The following PIK3C2A variants were observed in gnomAD, a reference collection of about 807,000 sequenced individuals.
PIK3C2A encodes phosphatidylinositol 4-phosphate 3-kinase C2 domain-containing subunit alpha.
A neutral mutation model predicts 204.5 loss-of-function variants in PIK3C2A; 97 were observed. That is an observed-to-expected ratio of 0.47 (90% CI 0.40 to 0.56). The LOEUF is 0.56. Ranked by LOEUF, PIK3C2A falls within the 20% of genes least tolerant of loss-of-function variation. The pLI is 0.00. For synonymous variants in PIK3C2A, 653 were observed against 664.4 expected, an observed-to-expected ratio of 0.98 and a Z score of 0.26; for missense variants, 1,735 against 1,969.2, an observed-to-expected ratio of 0.88 and a Z score of 2.25.
chr11:17,097,128 T>G lies in PIK3C2A; in HGVS notation c.4255A>C (p.Arg1419=). 2 of 1,610,406 alleles carry G rather than the reference T, an allele frequency of 1.2e-6. No individual in the cohort carries two copies. The highest frequency in any genetic ancestry group is 1.1e-5 in the South Asian group (1 of 91,016). The change falls in exon 27 of 33, where the codon AGA becomes CGA. Residue 1419 remains arginine, a synonymous_variant. Transcript: ENST00000691414. The part of the protein sequence containing the change: ...LSFSPKTYSF[R]QDGRIKEVSV... ...ACTTCCTTGATTCGACCATCTTGTC[T>G]AAAGGAGTATGTTTTAGGTGAAAAT...
chr11:17,146,351 C>G (rs931868716), intron 6 of PIK3C2A, among the ~76,000 whole-genome samples: 1 of 151,976 alleles, frequency 6.6e-6, no homozygotes, highest in Admixed American at 6.6e-5. Context: ...AATTTTCCTC[C>G]CACTCCCCAT....
chr11:17,190,574 CAA>C (rs35193747), intron 1 of PIK3C2A, among the ~76,000 whole-genome samples: 299 of 114,038 alleles, frequency 2.6e-3, no homozygotes, highest in African/African-American at 6.0e-3. Context: ...GACTCTGTCT[CAA>C]AAAAAAAAAA....
chr11:17,147,088 G>A (rs1055938276), intron 6 of PIK3C2A, among the ~76,000 whole-genome samples: 2 of 152,058 alleles, frequency 1.3e-5, no homozygotes, highest in African/African-American at 4.8e-5. Flanking sequence ...ACTGAAAGTA[G>A]TGAACTTTTA....
Position 17,092,051 on chromosome 11 carries a change from A to T in PIK3C2A, c.4587T>A (p.Thr1529=), listed in dbSNP as rs1848326661. Residue 1529 remains threonine, a synonymous_variant, in exon 30 of 33, where the codon ACT becomes ACA. Transcript: ENST00000691414. ...CATCACGAAGTAAAGGGTGGAAGAA[A>T]GTACAAACAAGATCACACTAAGAAT... ...TDVAECDLVC[T]FFHPLLRDEK... is the part of the protein sequence containing the mutation. 6.2e-7 allele frequency: 1 copy of T among 1,609,054 alleles called. No individual in the cohort carries two copies. Among genetic ancestry groups the T allele is most frequent in the Non-Finnish European group, 8.5e-7 (1 of 1,175,548 alleles).
chr11:17,150,766 T>C, intron 3 of PIK3C2A, 111 bp from the exon 4 acceptor site: 1 of 596,798 alleles, frequency 1.7e-6, no homozygotes, highest in Non-Finnish European at 2.6e-6. Context: ...TTTGTCCAAC[T>C]CAAGCAGCTC....
At chr11:17,201,826 T>C (rs1738935473) in intron 1 of PIK3C2A, among the ~76,000 whole-genome samples, 1 of 152,190 alleles carries the variant, frequency 6.6e-6, no homozygotes, top group African/African-American at 2.4e-5. Context: ...GCTACATGGA[T>C]TGTAGTTAGT....
At chr11:17,119,131 T>TA (rs1392686225) in intron 17 of PIK3C2A, 89 bp downstream of exon 17, 1 of 777,364 alleles carries the variant, frequency 1.3e-6, no homozygotes, top group African/African-American at 1.8e-5. Flanking sequence ...AAACGACTTT[T>TA]AATCTAAACA....
At chr11:17,131,002 C>CA (rs1849676779) in intron 12 of PIK3C2A, among the ~76,000 whole-genome samples, 1 of 151,888 alleles carries the variant, frequency 6.6e-6, no homozygotes, top group African/African-American at 2.4e-5. Flanking sequence ...GCCTGGCCAA[C>CA]ATGGTGAAAC....
In PIK3C2A at chr11:17,150,621, T is replaced by G; in HGVS notation, c.1204A>C (p.Thr402Pro). ...KTKFPYTNHR[T>P]NPGYLLSPVT... Reference sequence around the variant, plus strand: ...GGACTTAACAAATAGCCTGGGTTTGTGCGGTGATTGGTATATGGAAATTTG... The same window carrying G: ...GGACTTAACAAATAGCCTGGGTTTGGGCGGTGATTGGTATATGGAAATTTG... The change falls in exon 4 of 33, where the codon ACA becomes CCA. Residue 402 changes from threonine to proline, a missense_variant. Coordinates refer to ENST00000691414, the MANE Select transcript of PIK3C2A (RefSeq NM_002645.4). 1 of 1,608,008 alleles carries G rather than the reference T, an allele frequency of 6.2e-7. No homozygotes were observed. The highest frequency in any genetic ancestry group is 8.5e-7 in the Non-Finnish European group (1 of 1,177,602).
Position 17,122,329 on chromosome 11 carries a change from T to A in PIK3C2A, c.2516A>T (p.Asp839Val). Residue 839 changes from aspartate to valine, a missense_variant, in exon 15 of 33, where the codon GAT (aspartate) becomes GTT (valine). By Grantham distance (152) the Asp-to-Val change is radical. Coordinates refer to ENST00000691414, the MANE Select transcript of PIK3C2A (RefSeq NM_002645.4). Reference protein sequence around the residue: ...YVMERIVLQVDFPSPAFDIIY... With the variant: ...YVMERIVLQVVFPSPAFDIIY... ...AATATCAAATGCAGGAGAAGGAAAA[T>A]CAACCTTTAAAATTTAACAGAAATT... 1 of 1,533,898 alleles carries A rather than the reference T, an allele frequency of 6.5e-7. No homozygotes were observed. Among genetic ancestry groups the A allele is most frequent in the South Asian group, 1.1e-5 (1 of 87,324 alleles).
intron 1 of PIK3C2A, among the ~76,000 whole-genome samples, chr11:17,202,431 A>C (rs1470733490): frequency 6.6e-6 from 1 of 151,724 alleles, no homozygotes; most frequent in Non-Finnish European, 1.5e-5. Flanking sequence ...AAAATTAGCC[A>C]GGCGTGATGG....
At chr11:17,100,380 A>C (rs1218400987) in intron 25 of PIK3C2A, among the ~76,000 whole-genome samples, 2 of 149,470 alleles carry the variant, frequency 1.3e-5, no homozygotes, top group East Asian at 1.9e-4. Flanking sequence ...TGCCTGGCGA[A>C]CTTTTTTTTT....
intron 21 of PIK3C2A, among the ~76,000 whole-genome samples, chr11:17,111,972 G>A (rs1039277802): frequency 2.7e-5 from 4 of 148,716 alleles, no homozygotes. Flanking sequence ...TTAGAAAAAG[G>A]CACCTACATC....
chr11:17,107,054 C>T (rs955069409), intron 22 of PIK3C2A, among the ~76,000 whole-genome samples: 3 of 152,178 alleles, frequency 2.0e-5, no homozygotes, highest in African/African-American at 7.2e-5. Context: ...TGGCTCATGC[C>T]TGTAATCCCA....
At chr11:17,148,813 C>T (rs759458593) in intron 4 of PIK3C2A, 26 bp from the exon 5 acceptor site, 19 of 1,586,348 alleles carry the variant, frequency 1.2e-5, no homozygotes, top group Admixed American at 6.8e-5. Flanking sequence ...TCATTATTTT[C>T]ACTTTGCTCA....
At chr11:17,204,952 C>T (rs1013041469) in intron 1 of PIK3C2A, among the ~76,000 whole-genome samples, 5 of 152,002 alleles carry the variant, frequency 3.3e-5, no homozygotes, top group East Asian at 1.9e-4. Context: ...GCGAGGCGGG[C>T]GGATCACTTG....
intron 1 of PIK3C2A, among the ~76,000 whole-genome samples, chr11:17,185,880 G>C (rs1184328169): frequency 6.6e-6 from 1 of 152,048 alleles, no homozygotes; most frequent in African/African-American, 2.4e-5. Flanking sequence ...CCCACCTTCA[G>C]ACTATCCTCA....
Position 17,178,015 on chromosome 11 carries a change from C to T in PIK3C2A, c.-65-8209G>A, listed in dbSNP as rs139442474. 6.1e-3 allele frequency among the ~76,000 whole-genome samples: 890 copies of T among 144,816 alleles called. 18 individuals are homozygous for T. Among genetic ancestry groups the T allele is most frequent in the African/African-American group, 0.022 (848 of 37,948 alleles). ...GGCTGAGGAAGAAGAACTGCTTGAA[C>T]CCTGGAGGTGTATGTTGCAGTGAGC... On this transcript the variant is annotated intron_variant, in intron 1 of 32. Coordinates refer to ENST00000691414, the MANE Select transcript of PIK3C2A (RefSeq NM_002645.4).
At chr11:17,161,247 C>T (rs1034205299) in intron 2 of PIK3C2A, among the ~76,000 whole-genome samples, 36 of 152,328 alleles carry the variant, frequency 2.4e-4, no homozygotes, top group African/African-American at 8.2e-4. Flanking sequence ...ATACATATTA[C>T]TTTTCAGAAG....
Sources: gnomAD v4.1 joint callset for allele counts (sites outside exome capture counted in the v4.1 genomes callset) on GRCh38, gnomAD v4.1.1 for gene constraint, MANE v1.5 for transcripts, NCBI Gene and HGNC (gene_info 2026-07-23, HGNC 2026-07-21) for gene names.